IMPG1: variants seen among roughly 807,000 people sequenced by gnomAD.
IMPG1 encodes the protein interphotoreceptor matrix proteoglycan 1.
A neutral mutation model predicts 92.0 loss-of-function variants in IMPG1; 85 were observed. The ratio of observed to expected loss-of-function variants is 0.92; its 90% CI spans 0.78 to 1.11. The LOEUF is 1.11. IMPG1 is among the 50% of genes least tolerant of loss of function. IMPG1 has a pLI of 0.00. For missense variants in IMPG1, 1,022 were observed against 956.0 expected (o/e 1.07, Z -0.91); for synonymous variants, 367 against 334.1 (o/e 1.10, Z -1.08).
chr6:76,036,013 A>T (rs1783737255), intron 2 of IMPG1, among the ~76,000 whole-genome samples: 1 of 152,230 alleles, frequency 6.6e-6, no homozygotes, highest in Non-Finnish European at 1.5e-5. Context: ...TTGGCATATA[A>T]TGACAAAGGA....
chr6:76,029,453 G>A (rs1783615211), intron 4 of IMPG1, among the ~76,000 whole-genome samples: 1 of 152,232 alleles, frequency 6.6e-6, no homozygotes, highest in Non-Finnish European at 1.5e-5. Flanking sequence ...TAACAAAAAT[G>A]AGGACTGGAG....
intron 1 of IMPG1, among the ~76,000 whole-genome samples, chr6:76,048,328 G>T (rs1186678610): frequency 6.6e-6 from 1 of 152,202 alleles, no homozygotes; most frequent in Non-Finnish European, 1.5e-5. Flanking sequence ...ACTTTTCTCA[G>T]ATTTCTGGTA....
chr6:75,944,540 T>C lies in IMPG1; in HGVS notation c.2044+2774A>G, dbSNP rs1781891192. Among the ~76,000 whole-genome samples, 4 of 152,364 alleles carry C rather than the reference T, an allele frequency of 2.6e-5. No individual in the cohort carries two copies. In the South Asian group the frequency reaches 8.3e-4, roughly 32 times the overall value. On this transcript the variant is annotated intron_variant, in intron 14 of 16. Transcript: ENST00000369950. ...AAGCATCACTTAAGACAAGCATCAC[T>C]ATGTCCTAACTGGTGCAACATAGCC...
chr6:75,953,812 T>C (rs1234886279), intron 12 of IMPG1, among the ~76,000 whole-genome samples: 2 of 151,956 alleles, frequency 1.3e-5, no homozygotes, highest in Non-Finnish European at 2.9e-5. Context: ...CCTCCCTGTG[T>C]CCATGTGTTC....
At chr6:76,010,548 C>T (rs555610815) in intron 8 of IMPG1, among the ~76,000 whole-genome samples, 1 of 152,086 alleles carries the variant, frequency 6.6e-6, no homozygotes, top group African/African-American at 2.4e-5. Flanking sequence ...ATCTTATGAT[C>T]TTATTTTTTT....
At chr6:75,945,826 A>ATT (rs1781917856) in intron 14 of IMPG1, among the ~76,000 whole-genome samples, 1 of 152,094 alleles carries the variant, frequency 6.6e-6, no homozygotes, top group Non-Finnish European at 1.5e-5. Flanking sequence ...TCTTTCTAAG[A>ATT]CACTACTTAA....
chr6:76,007,635 A>T, intron 8 of IMPG1, 135 bp from the exon 9 acceptor site: 1 of 593,620 alleles, frequency 1.7e-6, no homozygotes. Flanking sequence ...GTTTGTTCAG[A>T]GCTTTGAAAG....
At chr6:75,953,123 A>G (rs375345091) in intron 12 of IMPG1, among the ~76,000 whole-genome samples, 2 of 152,334 alleles carry the variant, frequency 1.3e-5, no homozygotes, top group South Asian at 2.1e-4. Context: ...AAGAAGCACA[A>G]TGATAGATGT....
intron 15 of IMPG1, among the ~76,000 whole-genome samples, chr6:75,924,542 ATAATATAATTAATATAATTATATATT>A (rs1781494354): frequency 1.8e-5 from 1 of 56,270 alleles, no homozygotes; most frequent in Non-Finnish European, 3.3e-5. Flanking sequence ...ATATAATTAT[ATAATATAATTAATATAATTATATATT>A]ATATATAATT....
intron 12 of IMPG1, among the ~76,000 whole-genome samples, chr6:75,978,930 A>G (rs1001596475): frequency 6.6e-6 from 1 of 152,036 alleles, no homozygotes; most frequent in South Asian, 2.1e-4. Flanking sequence ...GGGGGTGGGG[A>G]GGACAAGGTC....
chr6:75,977,553 C>T (rs1782558853), intron 12 of IMPG1, among the ~76,000 whole-genome samples: 1 of 150,336 alleles, frequency 6.7e-6, no homozygotes, highest in Non-Finnish European at 1.5e-5. Flanking sequence ...CACCATTGCA[C>T]TCCAGCCTGG....
chr6:76,034,676 A>G lies in IMPG1; in HGVS notation c.413T>C (p.Phe138Ser). The change falls in exon 3 of 17, where the codon TTT (phenylalanine) becomes TCT (serine). Residue 138 changes from phenylalanine to serine, a missense_variant. Physicochemically the swap from Phe to Ser is radical, Grantham distance 155. Around this residue, in one of 3 missense-constraint regions of IMPG1, gnomAD observed 681 missense variants for 583.6 expected, o/e 1.17. Coordinates refer to ENST00000369950, the MANE Select transcript of IMPG1 (RefSeq NM_001563.4). Reference protein sequence around the residue: ...SICQQETFCLFDIGKNFSNSQ... With the variant: ...SICQQETFCLSDIGKNFSNSQ... ...ATTGCTGAAGTTTTTTCCAATGTCA[A>G]AGAGGCAGAAGGTCTCCTGCTGGCA... 6.2e-7 allele frequency: 1 copy of G among 1,614,138 alleles called. No homozygotes were observed. Among genetic ancestry groups the G allele is most frequent in the Non-Finnish European group, 8.5e-7 (1 of 1,180,002 alleles).
intron 1 of IMPG1, among the ~76,000 whole-genome samples, chr6:76,072,091 G>A (rs910864720): frequency 2.6e-5 from 4 of 151,974 alleles, no homozygotes; most frequent in Non-Finnish European, 5.9e-5. Flanking sequence ...TTGAATTTCG[G>A]TGGATAAATG....
At chr6:76,027,152 C>G (rs1044505178) in intron 4 of IMPG1, among the ~76,000 whole-genome samples, 2 of 152,078 alleles carry the variant, frequency 1.3e-5, no homozygotes, top group South Asian at 2.1e-4. Context: ...TAAAAACAGC[C>G]TTAAAGATTA....
chr6:75,939,733 T>C (rs980652669), intron 14 of IMPG1, among the ~76,000 whole-genome samples: 3 of 152,218 alleles, frequency 2.0e-5, no homozygotes, highest in Admixed American at 6.5e-5. Context: ...TGGAATGTTA[T>C]GCTCCAGGTC....
In IMPG1 at chr6:75,922,003, C is replaced by G; in HGVS notation, c.*86G>C. The G allele has an allele frequency of 1.5e-6, 1 of 686,062 alleles. No individual in the cohort carries two copies. Among genetic ancestry groups the G allele is most frequent in the Non-Finnish European group, 2.7e-6 (1 of 372,406 alleles). 42.5% of individuals were successfully genotyped at this position (686,062 alleles called of 1,614,324 possible). A position where few individuals can be genotyped will look rare whatever the true frequency, so the allele number is the denominator to read the frequency against. On this transcript the variant is annotated 3_prime_UTR_variant, in exon 17 of 17. Coordinates refer to ENST00000369950, the MANE Select transcript of IMPG1 (RefSeq NM_001563.4). ...ACTGTATGTCTGGATTTTGATGACC[C>G]ATGAATATGCCTGTCTCCATTTTCC...
In IMPG1 at chr6:76,018,760, C is replaced by A. The variant is rs763578742; in HGVS notation, c.765G>T (p.Gln255His). 8.7e-6 allele frequency: 14 copies of A among 1,613,324 alleles called. No individual in the cohort carries two copies. The African/African-American group carries it at 1.5e-4, about 17-fold the overall frequency. ...CTGCTAGCTCCTGGTAATATGGGGA[C>A]TGGGAGTCAGCGAGCTCTGCCTTGA... is the stretch of plus-strand genomic sequence containing the variant. ...QKFKAELADSQSPYYQELAGK... is the reference protein window; with the variant it reads ...QKFKAELADSHSPYYQELAGK... The change falls in exon 7 of 17, where the codon CAG becomes CAT. Residue 255 changes from glutamine (Q) to histidine (H), a missense_variant. Around this residue, in one of 3 missense-constraint regions of IMPG1, gnomAD observed 681 missense variants for 583.6 expected, o/e 1.17. Coordinates refer to ENST00000369950, the MANE Select transcript of IMPG1 (RefSeq NM_001563.4).
chr6:75,965,419 G>A (rs1393243792), intron 12 of IMPG1, among the ~76,000 whole-genome samples: 2 of 149,334 alleles, frequency 1.3e-5, no homozygotes, highest in African/African-American at 2.5e-5. Context: ...ATATCTCATC[G>A]CGGTTTTAAT....
chr6:75,967,412 T>G (rs1782325031), intron 12 of IMPG1, among the ~76,000 whole-genome samples: 1 of 152,064 alleles, frequency 6.6e-6, no homozygotes. Context: ...GAGAGCTAGC[T>G]AGTCTCTTCC....
Sources: allele counts gnomAD v4.1 joint callset (sites outside exome capture counted in the v4.1 genomes callset), GRCh38; gene constraint gnomAD v4.1.1; regional missense constraint gnomAD v4.1.1; transcripts MANE v1.5; gene names NCBI Gene and HGNC (gene_info 2026-07-23, HGNC 2026-07-21).